The following BICRAL variants were observed in gnomAD, a reference collection of about 807,000 sequenced individuals.
BICRAL encodes the protein BICRA like chromatin remodeling complex associated protein.
BICRAL carries 8 observed loss-of-function variants against 91.8 expected under a neutral mutation model. The observed-to-expected ratio is 0.09, with a 90% CI of 0.05 to 0.16. The LOEUF is 0.16. Ranked by LOEUF, BICRAL falls within the 10% of genes least tolerant of loss-of-function variation. BICRAL has a pLI of 1.00. For missense variants in BICRAL, 1,038 were observed against 1,310.9 expected (o/e 0.79, Z 3.21); for synonymous variants, 445 against 491.1 (o/e 0.91, Z 1.24).
chr6:42,839,839 C>T (rs1200445467), intron 6 of BICRAL, among the ~76,000 whole-genome samples: 1 of 152,170 alleles, frequency 6.6e-6, no homozygotes, highest in Admixed American at 6.5e-5. Context: ...CCTCTGAACA[C>T]TTCCTTGCTT....
At chr6:42,752,025 C>A (rs1562446210) in intron 1 of BICRAL, among the ~76,000 whole-genome samples, 2 of 151,476 alleles carry the variant, frequency 1.3e-5, no homozygotes, top group African/African-American at 2.4e-5. Context: ...CAAGTCTTGA[C>A]TATATATGGG....
At chr6:42,786,635 AATATT>A (rs1474596189) in intron 1 of BICRAL, among the ~76,000 whole-genome samples, 3 of 152,204 alleles carry the variant, frequency 2.0e-5, no homozygotes, top group African/African-American at 7.2e-5. Context: ...ATTAAGAAAA[AATATT>A]AAGTGGCTGG....
At chr6:42,800,774 C>A (rs2113897777) in intron 1 of BICRAL, among the ~76,000 whole-genome samples, 1 of 152,182 alleles carries the variant, frequency 6.6e-6, no homozygotes, top group South Asian at 2.1e-4. Context: ...AGTGTATCTT[C>A]CTTGGTAACA....
intron 2 of BICRAL, among the ~76,000 whole-genome samples, chr6:42,812,309 A>G (rs187064429): frequency 4.0e-4 from 61 of 152,042 alleles, no homozygotes; most frequent in African/African-American, 1.3e-3. Context: ...AAATACAAAA[A>G]TTAGCTAGCC....
chr6:42,757,547 C>T (rs530266356), intron 1 of BICRAL, among the ~76,000 whole-genome samples: 70 of 152,248 alleles, frequency 4.6e-4, no homozygotes, highest in Non-Finnish European at 9.1e-4. Context: ...CCACCATGCC[C>T]GGCTAATTTT....
chr6:42,762,651 C>T (rs9462824), intron 1 of BICRAL, among the ~76,000 whole-genome samples: 26 of 152,154 alleles, frequency 1.7e-4, no homozygotes, highest in Non-Finnish European at 3.7e-4. Flanking sequence ...GCATGTGAGG[C>T]ACCCAATAAT....
At chr6:42,787,662 A>G (rs939010030) in intron 1 of BICRAL, among the ~76,000 whole-genome samples, 2 of 152,234 alleles carry the variant, frequency 1.3e-5, no homozygotes, top group Non-Finnish European at 2.9e-5. Context: ...CACCTCTGTC[A>G]AATGCTGCTG....
rs185654911 is a variant in BICRAL, at chr6:42,791,229, A to G, written c.-102+9128A>G. The stretch of plus-strand genomic sequence containing the variant: ...ACCTCTCTGTACCAGATCCTCTTAT[A>G]CCCAGGTTCTCCTTAATCCCAATCA... On this transcript the variant is annotated intron_variant, in intron 1 of 12. Coordinates refer to ENST00000314073, the MANE Select transcript of BICRAL (RefSeq NM_001393499.1). Among the ~76,000 whole-genome samples the G allele has an allele frequency of 1.6e-3, 241 of 152,174 alleles. 1 individual carries two copies. Among genetic ancestry groups the G allele is most frequent in the African/African-American group, 5.5e-3 (227 of 41,504 alleles).
At chr6:42,781,931 G>GCCCGGCGCGGGGAGCGGGCGCCCGCC (rs534441241), upstream of BICRAL, 5 of 146,616 alleles carry the variant, frequency 3.4e-5, no homozygotes, top group Non-Finnish European at 7.6e-5. Context: ...GCGGCGCCCC[G>GCCCGGCGCGGGGAGCGGGCGCCCGCC]GCCCGGCGCG....
rs1762768186 is a variant in BICRAL at position 42,773,485 on chromosome 6, T to C, written c.-260-8354T>C. 3.3e-5 allele frequency among the ~76,000 whole-genome samples: 5 copies of C among 151,710 alleles called. No homozygotes were observed. The South Asian group carries it at 8.3e-4, about 25-fold the overall frequency. ...CTCTAGCCTAGGCCTCCTAAAGTAC[T>C]GGGATTATAGGCAAGAGCCACCTTG... On this transcript the variant is annotated intron_variant, in intron 1 of 14. Coordinates refer to the BICRAL transcript ENST00000614467.
intron 6 of BICRAL, among the ~76,000 whole-genome samples, chr6:42,845,248 T>TTA (rs761742281): frequency 5.7e-5 from 6 of 105,456 alleles, no homozygotes; most frequent in Non-Finnish European, 9.2e-5. Context: ...TTTTTTTTTT[T>TTA]AGACAGAGTT....
intron 1 of BICRAL, among the ~76,000 whole-genome samples, chr6:42,753,864 A>G (rs1428556453): frequency 3.3e-5 from 5 of 152,102 alleles, no homozygotes; most frequent in African/African-American, 1.2e-4. Flanking sequence ...TGCCCGCCTC[A>G]GCTTCCCAAA....
At chr6:42,797,480 G>T (rs942752254) in intron 1 of BICRAL, among the ~76,000 whole-genome samples, 1 of 152,090 alleles carries the variant, frequency 6.6e-6, no homozygotes, top group Non-Finnish European at 1.5e-5. Context: ...GAATCAGACC[G>T]ATCTGAGTTC....
intron 6 of BICRAL, among the ~76,000 whole-genome samples, chr6:42,848,045 C>T (rs758089881): frequency 5.9e-5 from 9 of 151,914 alleles, no homozygotes; most frequent in Admixed American, 6.6e-5. Flanking sequence ...AGGAGAACGG[C>T]GTGAACCCAG....
chr6:42,765,324 A>G (rs1449908123), intron 1 of BICRAL, among the ~76,000 whole-genome samples: 4 of 152,206 alleles, frequency 2.6e-5, no homozygotes, highest in African/African-American at 4.8e-5. Flanking sequence ...CTATGTTGCC[A>G]GGGATTTGTA....
intron 1 of BICRAL, among the ~76,000 whole-genome samples, chr6:42,771,973 C>T (rs766315509): frequency 2.0e-5 from 3 of 152,110 alleles, no homozygotes; most frequent in Non-Finnish European, 4.4e-5. Flanking sequence ...ATGTGCCTGT[C>T]TGGGGAGGGG....
intron 1 of BICRAL, among the ~76,000 whole-genome samples, chr6:42,782,395 A>G (rs1183577515): frequency 7.0e-6 from 1 of 142,538 alleles, no homozygotes; most frequent in Non-Finnish European, 1.5e-5. Flanking sequence ...TGGATGTTTA[A>G]TGGACACGGA....
rs145740980 is a variant in BICRAL at position 42,822,746 on chromosome 6, G to T, written c.42-50G>T. 927 of 966,404 alleles carry T rather than the reference G, an allele frequency of 9.6e-4. 5 individuals carry two copies. The African/African-American group carries it at 0.013, about 14-fold the overall frequency. The allele number at this position is 966,404 out of a possible 1,614,324, so 59.9% of individuals were successfully genotyped here. On this transcript the variant is annotated intron_variant, in intron 3 of 12. Coordinates refer to ENST00000314073, the MANE Select transcript of BICRAL (RefSeq NM_001393499.1). ...CTAGTAAAAATTAGTTCTAAATATA[G>T]ATAGTATATTTGTTTGTTGTTTTAT...
upstream of BICRAL, among the ~76,000 whole-genome samples, chr6:42,781,434 T>A (rs924060012): frequency 6.6e-6 from 1 of 152,182 alleles, no homozygotes; most frequent in Admixed American, 6.5e-5. Context: ...GTTATTTGCC[T>A]AATAACTAAG....
Sources: gnomAD v4.1 joint callset for allele counts (sites outside exome capture counted in the v4.1 genomes callset) on GRCh38, gnomAD v4.1.1 for gene constraint, MANE v1.5 for transcripts, NCBI Gene and HGNC (gene_info 2026-07-23, HGNC 2026-07-21) for gene names.